PIGU: variants seen among roughly 807,000 people sequenced by gnomAD.
PIGU encodes the protein phosphatidylinositol glycan anchor biosynthesis class U.
A neutral mutation model predicts 49.9 loss-of-function variants in PIGU; 24 were observed. The observed-to-expected ratio is 0.48, with a 90% CI of 0.35 to 0.68. The LOEUF (loss-of-function observed/expected upper bound fraction) is 0.68. PIGU is among the 30% of genes least tolerant of loss of function. The probability of loss-of-function intolerance (pLI) is 0.01; values close to 1 mark genes in which losing one functional copy is unlikely to be tolerated. For synonymous variants in PIGU, 220 were observed against 205.7 expected (o/e 1.07, Z -0.59); for missense variants, 490 against 532.6 (o/e 0.92, Z 0.79).
intron 10 of PIGU, among the ~76,000 whole-genome samples, chr20:34,581,307 T>C (rs982589535): frequency 2.6e-5 from 4 of 152,160 alleles, no homozygotes; most frequent in Admixed American, 2.6e-4. Context: ...AATTAATGCA[T>C]GTAACACTGT....
chr20:34,673,383 C>G (rs914768006), intron 1 of PIGU, among the ~76,000 whole-genome samples: 3 of 152,002 alleles, frequency 2.0e-5, no homozygotes, highest in Non-Finnish European at 2.9e-5. Context: ...TTTAAGGTAC[C>G]CTTTGAAGAA....
chr20:34,671,045 A>G (rs1987290888), intron 1 of PIGU, among the ~76,000 whole-genome samples: 1 of 152,242 alleles, frequency 6.6e-6, no homozygotes, highest in Admixed American at 6.5e-5. Flanking sequence ...TGGAACAGCC[A>G]TACCTAAAGA....
intron 2 of PIGU, among the ~76,000 whole-genome samples, chr20:34,652,788 T>A (rs1875148006): frequency 6.6e-6 from 1 of 152,222 alleles, no homozygotes; most frequent in African/African-American, 2.4e-5. Context: ...TGGTATTTTT[T>A]ATTTAATTCA....
intron 11 of PIGU, among the ~76,000 whole-genome samples, chr20:34,563,308 C>T (rs951924880): frequency 6.6e-6 from 1 of 152,184 alleles, no homozygotes; most frequent in Non-Finnish European, 1.5e-5. Context: ...TGGCTCATGC[C>T]TGTAATCCCA....
chr20:34,562,342 A>G lies in PIGU; in HGVS notation c.1195-1363T>C. On this transcript the variant is annotated intron_variant, in intron 11 of 11. Transcript: ENST00000217446. ...CTGGCACAGATGGGGAGACTGAGGCACAGAGCACTTGGCTATGGTCTTGGG... is the reference window on the plus strand; with the variant it reads ...CTGGCACAGATGGGGAGACTGAGGCGCAGAGCACTTGGCTATGGTCTTGGG... 4.4e-6 allele frequency: 5 copies of G among 1,138,054 alleles called. No homozygotes were observed. In the South Asian group the frequency reaches 7.5e-5, roughly 17 times the overall value. The allele number at this position is 1,138,054 out of a possible 1,614,324, so 70.5% of individuals were successfully genotyped here. A position where few individuals can be genotyped will look rare whatever the true frequency, so the allele number is the denominator to read the frequency against.
intron 7 of PIGU, among the ~76,000 whole-genome samples, chr20:34,600,565 AAAG>A (rs1984377213): frequency 6.6e-6 from 1 of 152,056 alleles, no homozygotes; most frequent in Non-Finnish European, 1.5e-5. Flanking sequence ...GCCATTTAGC[AAAG>A]AAGGGAGGAA....
chr20:34,588,287 C>T (rs973418407), intron 8 of PIGU, among the ~76,000 whole-genome samples, 166 bp downstream of exon 8: 5 of 151,972 alleles, frequency 3.3e-5, no homozygotes, highest in East Asian at 1.9e-4. Flanking sequence ...AGTAAGTAGC[C>T]GGAAGTGGGA....
chr20:34,560,837 A>G lies in PIGU; in HGVS notation c.*29T>C. 2 of 1,497,148 alleles carry G rather than the reference A, an allele frequency of 1.3e-6. No individual in the cohort carries two copies. Among genetic ancestry groups the G allele is most frequent in the Non-Finnish European group, 1.8e-6 (2 of 1,094,854 alleles). 92.7% of individuals were successfully genotyped at this position (1,497,148 alleles called of 1,614,324 possible). Reference sequence around the variant, plus strand: ...CAGCTTCTGGCCCCACAGCCCCCTGAGGTCCATGCAGCCCTGTGCCAGCCA... The same window carrying G: ...CAGCTTCTGGCCCCACAGCCCCCTGGGGTCCATGCAGCCCTGTGCCAGCCA... On this transcript the variant is annotated 3_prime_UTR_variant, in exon 12 of 12. Coordinates refer to ENST00000217446, the MANE Select transcript of PIGU (RefSeq NM_080476.5).
intron 9 of PIGU, among the ~76,000 whole-genome samples, chr20:34,581,924 C>T (rs1983491861): frequency 6.6e-6 from 1 of 152,230 alleles, no homozygotes; most frequent in Admixed American, 6.5e-5. Context: ...CATTTCCCAT[C>T]AACAGTCCCC....
intron 6 of PIGU, among the ~76,000 whole-genome samples, chr20:34,634,092 GAT>G (rs1009334477): frequency 2.0e-5 from 3 of 151,980 alleles, no homozygotes; most frequent in African/African-American, 7.2e-5. Flanking sequence ...TTTTTTAAGA[GAT>G]AAGGTCTTAC....
At chr20:34,637,835 C>T (rs373758744) in intron 5 of PIGU, 41 bp downstream of exon 5, 727 of 1,593,984 alleles carry the variant, frequency 4.6e-4, no homozygotes, top group Non-Finnish European at 5.8e-4. Context: ...ATTTTCCTCG[C>T]ATTTGTTGGC....
intron 7 of PIGU, among the ~76,000 whole-genome samples, chr20:34,614,831 T>G (rs751611966): frequency 2.0e-5 from 3 of 152,122 alleles, no homozygotes; most frequent in Non-Finnish European, 1.5e-5. Context: ...GAATACACAC[T>G]CAGCTTTAGC....
At chr20:34,646,598 T>C (rs1372881095) in intron 2 of PIGU, among the ~76,000 whole-genome samples, 1 of 151,414 alleles carries the variant, frequency 6.6e-6, no homozygotes, top group East Asian at 2.0e-4. Context: ...TAGTAGAGAC[T>C]GGGTTTCACC....
intron 7 of PIGU, among the ~76,000 whole-genome samples, chr20:34,605,576 A>G (rs1984580803): frequency 6.6e-6 from 1 of 152,222 alleles, no homozygotes; most frequent in Non-Finnish European, 1.5e-5. Context: ...TAAACACTTG[A>G]CATGTATTAA....
intron 10 of PIGU, among the ~76,000 whole-genome samples, 200 bp downstream of exon 10, chr20:34,581,348 T>C (rs1983450637): frequency 6.6e-6 from 1 of 152,328 alleles, no homozygotes; most frequent in African/African-American, 2.4e-5. Flanking sequence ...ACACAGTAAG[T>C]GCTCAATAAA....
intron 6 of PIGU, among the ~76,000 whole-genome samples, chr20:34,628,908 T>G (rs896500489): frequency 2.0e-5 from 3 of 152,184 alleles, no homozygotes; most frequent in African/African-American, 7.2e-5. Context: ...GTTGTATTAT[T>G]GGCCCCAATT....
chr20:34,561,933 G>A (rs570341500), intron 11 of PIGU, among the ~76,000 whole-genome samples: 3 of 152,282 alleles, frequency 2.0e-5, no homozygotes, highest in South Asian at 4.1e-4. Context: ...CCATTCAGCT[G>A]ACAGCCTGAC....
intron 11 of PIGU, among the ~76,000 whole-genome samples, chr20:34,571,518 G>A (rs1287417673): frequency 6.6e-6 from 1 of 152,128 alleles, no homozygotes; most frequent in Non-Finnish European, 1.5e-5. Context: ...GTTCCTAAGA[G>A]AGCTCTGCTT....
chr20:34,653,244 C>T (rs1029772997), intron 2 of PIGU, among the ~76,000 whole-genome samples: 1 of 152,212 alleles, frequency 6.6e-6, no homozygotes, highest in Non-Finnish European at 1.5e-5. Flanking sequence ...GCTGGGATTA[C>T]AGGCGTGAGC....
Sources: gnomAD v4.1 joint callset for allele counts (sites outside exome capture counted in the v4.1 genomes callset) on GRCh38, gnomAD v4.1.1 for gene constraint, MANE v1.5 for transcripts, NCBI Gene and HGNC (gene_info 2026-07-23, HGNC 2026-07-21) for gene names.